Variants in TSHZ2 observed in about 807,000 individuals in gnomAD.
The protein encoded by TSHZ2 is teashirt zinc finger homeobox 2, also known as teashirt homolog 2.
In TSHZ2, 21 loss-of-function variants were observed where a neutral mutation model predicts 74.4. That is an observed-to-expected ratio of 0.28 (90% confidence interval 0.20 to 0.41). The LOEUF is 0.41. Ranked by LOEUF, TSHZ2 falls within the 10% of genes least tolerant of loss-of-function variation. The pLI is 1.00. For missense variants in TSHZ2, 1,244 were observed against 1,293.5 expected, an observed-to-expected ratio of 0.96 and a Z score of 0.59; for synonymous variants, 540 against 515.3, an observed-to-expected ratio of 1.05 and a Z score of -0.65.
At chr20:53,480,122 G>A (rs1986111233) in intron 2 of TSHZ2, among the ~76,000 whole-genome samples, 1 of 148,938 alleles carries the variant, frequency 6.7e-6, no homozygotes, top group South Asian at 2.1e-4. Context: ...AGGCTAGAGT[G>A]CAACGATGTG....
At chr20:53,411,918 C>T (rs558774749) in intron 2 of TSHZ2, among the ~76,000 whole-genome samples, 1 of 152,152 alleles carries the variant, frequency 6.6e-6, no homozygotes, top group African/African-American at 2.4e-5. Context: ...ACAAAGAGTC[C>T]CACACATAAT....
chr20:53,416,375 G>C (rs1249645990), intron 2 of TSHZ2, among the ~76,000 whole-genome samples: 1 of 152,192 alleles, frequency 6.6e-6, no homozygotes, highest in African/African-American at 2.4e-5. Flanking sequence ...CTCACCCTGC[G>C]TCATTCCTTC....
At chr20:53,315,670 C>A (rs1377263454) in intron 2 of TSHZ2, among the ~76,000 whole-genome samples, 1 of 152,198 alleles carries the variant, frequency 6.6e-6, no homozygotes, top group East Asian at 1.9e-4. Context: ...CAGATTGTCT[C>A]AGCATATTCT....
chr20:53,216,385 G>A (rs572796167), intron 1 of TSHZ2, among the ~76,000 whole-genome samples: 9 of 152,152 alleles, frequency 5.9e-5, no homozygotes, highest in African/African-American at 1.9e-4. Flanking sequence ...CTGGGGTGGC[G>A]GAATCCCTGG....
chr20:53,190,133 ATATATT>A lies in TSHZ2; in HGVS notation c.41-63364_41-63359del, dbSNP rs1363488965. ...TATATATATATATATATATATATAT[ATATATT>A]TTCTTAAATGCCTCTGTTTCTTTTT... On this transcript the variant is annotated intron_variant, in intron 1 of 2. Coordinates refer to ENST00000371497, the MANE Select transcript of TSHZ2 (RefSeq NM_173485.6). Among the ~76,000 whole-genome samples the A allele has an allele frequency of 1.1e-3, 98 of 86,300 alleles. 6 individuals carry two copies. The highest frequency in any genetic ancestry group is 0.011 in the East Asian group (22 of 1,958). 56.6% of individuals were successfully genotyped at this position (86,300 alleles called of 152,430 possible).
chr20:53,322,316 C>T (rs576312619), intron 2 of TSHZ2, among the ~76,000 whole-genome samples: 3 of 152,268 alleles, frequency 2.0e-5, no homozygotes, highest in Admixed American at 6.5e-5. Flanking sequence ...AGTTCAAGAC[C>T]AGCCTGGCCA....
chr20:53,281,534 A>G (rs1388472127), intron 2 of TSHZ2, among the ~76,000 whole-genome samples: 1 of 152,212 alleles, frequency 6.6e-6, no homozygotes, highest in African/African-American at 2.4e-5. Flanking sequence ...GAGTTCCAAT[A>G]AAACTTTATT....
intron 2 of TSHZ2, among the ~76,000 whole-genome samples, chr20:53,428,654 C>A (rs1489372477): frequency 2.0e-5 from 3 of 152,180 alleles, no homozygotes; most frequent in Non-Finnish European, 2.9e-5. Context: ...AAATTGTAAT[C>A]CTAACCCTGG....
At chr20:53,444,637 C>T (rs1984481069) in intron 2 of TSHZ2, among the ~76,000 whole-genome samples, 1 of 152,222 alleles carries the variant, frequency 6.6e-6, no homozygotes, top group Non-Finnish European at 1.5e-5. Context: ...AAAGCCTCCT[C>T]AACTGTGCAA....
chr20:53,268,295 A>G (rs1056233613), intron 2 of TSHZ2, among the ~76,000 whole-genome samples: 2 of 152,204 alleles, frequency 1.3e-5, no homozygotes, highest in Non-Finnish European at 2.9e-5. Context: ...ATTTCGTGTC[A>G]CGTCAACAAA....
intron 1 of TSHZ2, among the ~76,000 whole-genome samples, chr20:53,227,758 A>G (rs1309930801): frequency 6.6e-6 from 1 of 152,126 alleles, no homozygotes; most frequent in Non-Finnish European, 1.5e-5. Context: ...GCTCTGATAC[A>G]CTAAACATTT....
chr20:53,425,361 C>T (rs575613631), intron 2 of TSHZ2, among the ~76,000 whole-genome samples: 37 of 152,332 alleles, frequency 2.4e-4, no homozygotes, highest in African/African-American at 8.2e-4. Flanking sequence ...AGCCCTCAGA[C>T]ACTGGACAGC....
chr20:53,037,670 G>T (rs1983869417), intron 1 of TSHZ2, among the ~76,000 whole-genome samples: 1 of 152,194 alleles, frequency 6.6e-6, no homozygotes, highest in Non-Finnish European at 1.5e-5. Flanking sequence ...TTGCACGGTT[G>T]ATTTGTCCAG....
chr20:53,168,800 A>G (rs1248587339), intron 1 of TSHZ2: 2 of 152,222 alleles, frequency 1.3e-5, no homozygotes, highest in African/African-American at 2.4e-5. Flanking sequence ...ACTGATGCCC[A>G]TCACTTCTTC....
intron 2 of TSHZ2, among the ~76,000 whole-genome samples, chr20:53,369,970 G>A (rs1005399528): frequency 2.6e-5 from 4 of 152,072 alleles, no homozygotes; most frequent in African/African-American, 4.8e-5. Context: ...TTATTGTGTC[G>A]ATTCCTTGAA....
At chr20:53,430,150 G>C (rs1209177412) in intron 2 of TSHZ2, among the ~76,000 whole-genome samples, 1 of 152,114 alleles carries the variant, frequency 6.6e-6, no homozygotes, top group African/African-American at 2.4e-5. Context: ...TGTCACCCAG[G>C]CTGGAGTACA....
At chr20:53,326,492 T>C (rs1226282898) in intron 2 of TSHZ2, among the ~76,000 whole-genome samples, 3 of 152,198 alleles carry the variant, frequency 2.0e-5, no homozygotes, top group Non-Finnish European at 4.4e-5. Context: ...ACTTATCTTT[T>C]AGCTGTACAT....
intron 1 of TSHZ2, among the ~76,000 whole-genome samples, chr20:53,091,703 C>G (rs1235399385): frequency 6.6e-6 from 1 of 152,148 alleles, no homozygotes; most frequent in Non-Finnish European, 1.5e-5. Context: ...GTAGAGAAAG[C>G]ACTCCATTAT....
At chr20:53,072,874 C>T (rs1391419728) in intron 1 of TSHZ2, among the ~76,000 whole-genome samples, 2 of 152,202 alleles carry the variant, frequency 1.3e-5, no homozygotes, top group East Asian at 3.8e-4. Context: ...TCTGCCCATC[C>T]ATCCATCAAT....
Sources: allele counts gnomAD v4.1 joint callset (sites outside exome capture counted in the v4.1 genomes callset), GRCh38; gene constraint gnomAD v4.1.1; transcripts MANE v1.5; gene names NCBI Gene and HGNC (gene_info 2026-07-23, HGNC 2026-07-21).